Variants in LGALS7 observed in about 807,000 individuals in gnomAD.
LGALS7 encodes galectin-7.
In LGALS7, 4 loss-of-function variants were observed where a neutral mutation model predicts 5.7. The ratio of observed to expected loss-of-function variants is 0.70; its 90% confidence interval spans 0.34 to 1.60. LGALS7 has a LOEUF of 1.60. LGALS7 is among the 40% of genes most tolerant of loss of function. LGALS7 has a pLI of 0.05. For missense variants in LGALS7, 12 were observed against 72.7 expected, an observed-to-expected ratio of 0.17 and a Z score of 3.04; for synonymous variants, 7 against 33.9, an observed-to-expected ratio of 0.21 and a Z score of 2.76.
chr19:38,773,435 GC>G, intron 1 of LGALS7, 51 bp downstream of exon 1: 1 of 627,298 alleles, frequency 1.6e-6, no homozygotes, highest in Non-Finnish European at 2.4e-6. Flanking sequence ...TGAAAGAGGA[GC>G]CCCCAGCCCC....
At chr19:38,771,590 ACTTG>A (rs1599962392) in intron 3 of LGALS7, among the ~76,000 whole-genome samples, 2 of 24,454 alleles carry the variant, frequency 8.2e-5, no homozygotes, top group Admixed American at 3.5e-4. Context: ...CCCCTTGGAC[ACTTG>A]GCTGGTGCTC....
intron 1 of LGALS7, 157 bp from the exon 2 acceptor site, chr19:38,773,260 C>T: frequency 2.1e-5 from 3 of 142,592 alleles, no homozygotes; most frequent in Non-Finnish European, 3.3e-5. Context: ...AGACCAGAAA[C>T]AGACAGGGAA....
Position 38,773,080 on chromosome 19 carries a change from C to T in LGALS7, c.30G>A (p.Leu10=). ...CCGTGCCAGGGCGGATGCCCTCGGG[C>T]AGTGAGGACTTGTGGGGGACGTTCT... MSNVPHKSS[L]PEGIRPGTVL... The change falls in exon 2 of 4, where the codon CTG becomes CTA. Residue 10 remains leucine (L), a synonymous_variant. Coordinates refer to ENST00000378626, the MANE Select transcript of LGALS7 (RefSeq NM_002307.4). 6.1e-5 allele frequency: 1 copy of T among 16,328 alleles called. No homozygotes were observed. The highest frequency in any genetic ancestry group is 9.5e-5 in the Non-Finnish European group (1 of 10,510). 1.0% of individuals were successfully genotyped at this position (16,328 alleles called of 1,614,324 possible).
At position 38,773,510 on chromosome 19, in the gene LGALS7, G is replaced by A. The variant is rs1453769646; in HGVS notation, c.-18C>T. On this transcript the variant is annotated 5_prime_UTR_variant, in exon 1 of 4. Coordinates refer to ENST00000378626, the MANE Select transcript of LGALS7 (RefSeq NM_002307.4). ...ACGGACATGGCTGGGACCGGGTTGGGCAGCCGTGGTGGTGGGGCCTGCTGG... is the reference window on the plus strand; with the variant it reads ...ACGGACATGGCTGGGACCGGGTTGGACAGCCGTGGTGGTGGGGCCTGCTGG... 23 of 1,066,258 alleles carry A rather than the reference G, an allele frequency of 2.2e-5. No homozygotes were observed. Among genetic ancestry groups the A allele is most frequent in the Non-Finnish European group, 2.8e-5 (23 of 813,256 alleles). 66.0% of individuals were successfully genotyped at this position (1,066,258 alleles called of 1,614,324 possible).
Position 38,772,324 on chromosome 19 carries a change from A to C in LGALS7, c.96-294T>G, listed in dbSNP as rs201685835. ...CCAGACCAAAGTGAAGGTCTTATGG[A>C]CTGGCACTCCCCATTCCCAGAGTAC... On this transcript the variant is annotated intron_variant, in intron 2 of 3. Transcript: ENST00000378626. 3.2e-5 allele frequency among the ~76,000 whole-genome samples: 3 copies of C among 94,536 alleles called. No individual in the cohort carries two copies. The East Asian group carries it at 7.1e-4, about 22-fold the overall frequency. The allele number at this position is 94,536 out of a possible 152,430, so 62.0% of individuals were successfully genotyped here. A position where few individuals can be genotyped will look rare whatever the true frequency, so the allele number is the denominator to read the frequency against.
intron 1 of LGALS7, 49 bp downstream of exon 1, chr19:38,773,438 C>T (rs529025939): frequency 1.3e-5 from 9 of 666,702 alleles, no homozygotes; most frequent in Middle Eastern, 8.9e-4. Flanking sequence ...AAGAGGAGCC[C>T]CCAGCCCCCT....
intron 3 of LGALS7, 81 bp from the exon 4 acceptor site, chr19:38,771,220 TCA>T (rs1316441079): frequency 1.8e-3 from 515 of 284,194 alleles, no homozygotes; most frequent in South Asian, 0.018. Flanking sequence ...CCTCTGGGCC[TCA>T]GTTTCCTCAC....
Position 38,771,856 on chromosome 19 carries a change from G to A in LGALS7, c.270C>T (p.Leu90=). 2 of 817,800 alleles carry A rather than the reference G, an allele frequency of 2.4e-6. 1 individual carries two copies. The highest frequency in any genetic ancestry group is 3.4e-6 in the Non-Finnish European group (2 of 587,806). 50.7% of individuals were successfully genotyped at this position (817,800 alleles called of 1,614,324 possible). Residue 90 remains leucine (L), a synonymous_variant, in exon 3 of 4, where the codon CTC becomes CTT. Transcript: ENST00000378626. ...PFQRGQPFEV[L]IIASDDGFKA... Reference sequence around the variant, plus strand: ...TGAAGCCGTCGTCTGACGCGATGATGAGCACCTCGAAGGGCTGCCCGCGCT... The same window carrying A: ...TGAAGCCGTCGTCTGACGCGATGATAAGCACCTCGAAGGGCTGCCCGCGCT...
At chr19:38,773,307 C>T in intron 1 of LGALS7, 180 bp downstream of exon 1, 1 of 276,924 alleles carries the variant, frequency 3.6e-6, no homozygotes, top group Non-Finnish European at 5.9e-6. Context: ...ACAGAAAGAT[C>T]CTCAAAGAGG....
chr19:38,773,422 C>T (rs1164242878), intron 1 of LGALS7, 65 bp downstream of exon 1: 8 of 576,184 alleles, frequency 1.4e-5, no homozygotes, highest in African/African-American at 2.3e-5. Context: ...CCACTTGCTC[C>T]TTTGAAAGAG....
rs1181882528 is a variant in LGALS7 at position 38,773,472 on chromosome 19, C to T, written c.6+15G>A. 29 of 1,003,618 alleles carry T rather than the reference C, an allele frequency of 2.9e-5. No individual in the cohort carries two copies. The highest frequency in any genetic ancestry group is 3.4e-5 in the Non-Finnish European group (26 of 758,762). 62.2% of individuals were successfully genotyped at this position (1,003,618 alleles called of 1,614,324 possible). On this transcript the variant is annotated intron_variant, in intron 1 of 3. Coordinates refer to ENST00000378626, the MANE Select transcript of LGALS7 (RefSeq NM_002307.4). ...CTCCCTGCTTGGCCCCGCCCCGGGC[C>T]CCTGGAGCACTCACGGACATGGCTG...
chr19:38,771,936 T>C lies in LGALS7; in HGVS notation c.190A>G (p.Ser64Gly). 2 of 1,053,568 alleles carry C rather than the reference T, an allele frequency of 1.9e-6. 1 individual carries two copies. Among genetic ancestry groups the C allele is most frequent in the Non-Finnish European group, 2.6e-6 (2 of 773,242 alleles). The allele number at this position is 1,053,568 out of a possible 1,614,324, so 65.3% of individuals were successfully genotyped here. ...RLDTSEVVFN[S>G]KEQGSWGREE... ...CGGCCCCAGGAGCCTTGCTCCTTGCTGTTGAAGACCACCTCCGACGTGTCC... is the reference window on the plus strand; with the variant it reads ...CGGCCCCAGGAGCCTTGCTCCTTGCCGTTGAAGACCACCTCCGACGTGTCC... Residue 64 changes from serine to glycine, a missense_variant, in exon 3 of 4, where the codon AGC becomes GGC. By Grantham distance (56) the Ser-to-Gly change is moderately conservative. Transcript: ENST00000378626.
rs1345669382 is a variant in LGALS7 at position 38,773,487 on chromosome 19, G to A, written c.6C>T (p.Ser2=). The stretch of plus-strand genomic sequence containing the variant: ...CGCCCCGGGCCCCTGGAGCACTCAC[G>A]GACATGGCTGGGACCGGGTTGGGCA... The part of the protein sequence containing the change: M[S]NVPHKSSLPE... The change falls in exon 1 of 4, where the codon TCC becomes TCT. Residue 2 remains serine, a splice_region_variant and synonymous_variant. Coordinates refer to ENST00000378626, the MANE Select transcript of LGALS7 (RefSeq NM_002307.4). The A allele has an allele frequency of 1.6e-5, 18 of 1,100,266 alleles. No individual in the cohort carries two copies. The highest frequency in any genetic ancestry group is 6.5e-4 in the Middle Eastern group (2 of 3,056). The allele number at this position is 1,100,266 out of a possible 1,614,324, so 68.2% of individuals were successfully genotyped here. A position where few individuals can be genotyped will look rare whatever the true frequency, so the allele number is the denominator to read the frequency against.
intron 2 of LGALS7, among the ~76,000 whole-genome samples, chr19:38,772,492 G>A (rs201208327): frequency 1.7e-5 from 1 of 59,524 alleles, no homozygotes; most frequent in Non-Finnish European, 3.4e-5. Context: ...AACTCACTAC[G>A]CTTAGGGCAG....
chr19:38,772,191 G>A (rs201465611), intron 2 of LGALS7, among the ~76,000 whole-genome samples, 161 bp from the exon 3 acceptor site: 715 of 59,080 alleles, frequency 0.012, 3 homozygotes, highest in South Asian at 0.083. Context: ...CACTCTGGGA[G>A]GTGGAGAAGG....
At chr19:38,773,395 C>T (rs1394608803) in intron 1 of LGALS7, 92 bp downstream of exon 1, 3 of 468,254 alleles carry the variant, frequency 6.4e-6, no homozygotes, top group East Asian at 3.7e-5. Flanking sequence ...CAGGCCAGTC[C>T]GTGGCACACT....
intron 1 of LGALS7, 183 bp from the exon 2 acceptor site, chr19:38,773,286 A>T: frequency 4.5e-6 from 1 of 221,532 alleles, no homozygotes; most frequent in Non-Finnish European, 7.3e-6. Flanking sequence ...TGGGGAGAGC[A>T]ACAAAGACAA....
intron 1 of LGALS7, 83 bp downstream of exon 1, chr19:38,773,404 C>T (rs1971096455): frequency 8.0e-6 from 4 of 499,062 alleles, no homozygotes; most frequent in Non-Finnish European, 1.3e-5. Flanking sequence ...CCGTGGCACA[C>T]TCACTGCCCA....
chr19:38,773,462 C>T (rs758882838), intron 1 of LGALS7, 25 bp downstream of exon 1: 32 of 908,066 alleles, frequency 3.5e-5, no homozygotes, highest in Admixed American at 3.4e-4. Flanking sequence ...TGCTTGGCCC[C>T]GCCCCGGGCC....
Sources: gnomAD v4.1 joint callset for allele counts (sites outside exome capture counted in the v4.1 genomes callset) on GRCh38, gnomAD v4.1.1 for gene constraint, MANE v1.5 for transcripts, NCBI Gene and HGNC (gene_info 2026-07-23, HGNC 2026-07-21) for gene names.